The following ASAP3 variants were observed in gnomAD, a reference collection of about 807,000 sequenced individuals.
ASAP3 encodes arf-GAP with SH3 domain, ANK repeat and PH domain-containing protein 3.
A neutral mutation model predicts 118.2 loss-of-function variants in ASAP3; 85 were observed. That is an observed-to-expected ratio of 0.72 (90% CI 0.60 to 0.86). The LOEUF (loss-of-function observed/expected upper bound fraction) is 0.86, where lower values mean the gene tolerates loss of function less well. ASAP3 is among the 40% of genes least tolerant of loss of function. ASAP3 has a pLI of 0.00. For synonymous variants in ASAP3, 432 were observed against 477.4 expected (o/e 0.90, Z 1.24); for missense variants, 1,026 against 1,175.0 (o/e 0.87, Z 1.85).
At chr1:23,454,802 C>T (rs1292490782) in intron 3 of ASAP3, among the ~76,000 whole-genome samples, 2 of 152,246 alleles carry the variant, frequency 1.3e-5, no homozygotes, top group African/African-American at 2.4e-5. Context: ...GCTTAATCCT[C>T]ATTACCGCTC....
chr1:23,442,573 T>C lies in ASAP3; in HGVS notation c.513A>G (p.Thr171=). The change falls in exon 6 of 25, where the codon ACA becomes ACG. Residue 171 remains threonine, a synonymous_variant. Transcript: ENST00000336689. ...GGGCCACCTCCCCAGGGATCCCTCCTGTCACCCTGGCCCGATCGCGCTCCT... is the reference window on the plus strand; with the variant it reads ...GGGCCACCTCCCCAGGGATCCCTCCCGTCACCCTGGCCCGATCGCGCTCCT... The part of the protein sequence containing the change: ...LEKERDRARV[T]GGIPGEVAQD... 1 of 1,614,094 alleles carries C rather than the reference T, an allele frequency of 6.2e-7. No homozygotes were observed. Among genetic ancestry groups the C allele is most frequent in the Non-Finnish European group, 8.5e-7 (1 of 1,180,008 alleles).
At chr1:23,477,253 G>C (rs1453967331) in intron 1 of ASAP3, among the ~76,000 whole-genome samples, 1 of 151,262 alleles carries the variant, frequency 6.6e-6, no homozygotes, top group Non-Finnish European at 1.5e-5. Context: ...CTGACCTCCA[G>C]TGATCCATCT....
At chr1:23,445,309 G>A (rs1173260546) in intron 5 of ASAP3, among the ~76,000 whole-genome samples, 4 of 152,176 alleles carry the variant, frequency 2.6e-5, no homozygotes, top group African/African-American at 9.7e-5. Flanking sequence ...GGGCATCATG[G>A]TGAAACCCTG....
intron 1 of ASAP3, among the ~76,000 whole-genome samples, chr1:23,475,968 T>TA (rs796310361): frequency 0.01 from 1,426 of 142,256 alleles, 23 homozygotes; most frequent in African/African-American, 0.034. Context: ...AACAAAAAAT[T>TA]AAAAAAAAAA....
chr1:23,475,563 G>A (rs940670025), intron 1 of ASAP3, among the ~76,000 whole-genome samples: 3 of 152,184 alleles, frequency 2.0e-5, no homozygotes, highest in Non-Finnish European at 2.9e-5. Flanking sequence ...CCACGGTCTC[G>A]ATGCTAACAG....
chr1:23,442,783 G>A, intron 5 of ASAP3, 171 bp from the exon 6 acceptor site: 1 of 1,026,588 alleles, frequency 9.7e-7, no homozygotes, highest in Non-Finnish European at 1.4e-6. Context: ...ACAGAGTGGT[G>A]GGGGAGAAAG....
At position 23,439,161 on chromosome 1, in the gene ASAP3, C is replaced by T. The variant is rs2148613625; in HGVS notation, c.1014G>A (p.Thr338=). 6 of 1,613,948 alleles carry T rather than the reference C, an allele frequency of 3.7e-6. No homozygotes were observed. Among genetic ancestry groups the T allele is most frequent in the Non-Finnish European group, 5.1e-6 (6 of 1,179,886 alleles). ...KYGCLTISHS[T]INRPPVKLTL... is the part of the protein sequence containing the mutation. The stretch of plus-strand genomic sequence containing the variant: ...GACTCCCACCACCTCTAGGCCTCAC[C>T]GTGCTGTGTGAGATGGTCAGGCAGC... The change falls in exon 11 of 25, where the codon ACG becomes ACA. Residue 338 remains threonine, a splice_region_variant and synonymous_variant. Transcript: ENST00000336689.
In ASAP3 at chr1:23,441,127, C is replaced by T; in HGVS notation, c.919G>A (p.Gly307Ser). 6.2e-7 allele frequency: 1 copy of T among 1,614,148 alleles called. No homozygotes were observed. The highest frequency in any genetic ancestry group is 8.5e-7 in the Non-Finnish European group (1 of 1,180,018). Reference protein sequence around the residue: ...GNKQFGTEKVGFLYKKSDGIR... With the variant: ...GNKQFGTEKVSFLYKKSDGIR... ...CCGTCACTTTTCTTGTATAGAAAGC[C>T]CACTTTCTCCGTCCCAAACTGCTTG... Residue 307 changes from glycine (G) to serine (S), a missense_variant, in exon 10 of 25, where the codon GGC (glycine) becomes AGC (serine). Physicochemically the swap from Gly to Ser is moderately conservative, Grantham distance 56. Coordinates refer to ENST00000336689, the MANE Select transcript of ASAP3 (RefSeq NM_017707.4).
chr1:23,439,226 G>C lies in ASAP3; in HGVS notation c.949C>G (p.Arg317Gly), dbSNP rs760996705. The C allele has an allele frequency of 6.2e-7, 1 of 1,613,888 alleles. No homozygotes were observed. Among genetic ancestry groups the C allele is most frequent in the Non-Finnish European group, 8.5e-7 (1 of 1,179,972 alleles). The change falls in exon 11 of 25, where the codon CGA becomes GGA. Residue 317 changes from arginine to glycine, a missense_variant. Transcript: ENST00000336689. The stretch of plus-strand genomic sequence containing the variant: ...CACTTCCTTTTCTGCCAGACTCTTC[G>C]AATTCTAAAGCCCAGAGGGATAGAA... ...GFLYKKSDGI[R>G]RVWQKRKCGV...
intron 1 of ASAP3, among the ~76,000 whole-genome samples, chr1:23,458,817 C>G (rs1479911982): frequency 6.6e-6 from 1 of 151,910 alleles, no homozygotes; most frequent in Non-Finnish European, 1.5e-5. Context: ...ACCTGGAAAG[C>G]TAAAAGGTGA....
Position 23,437,613 on chromosome 1 carries a change from G to T in ASAP3, c.1103-141C>A. On this transcript the variant is annotated intron_variant, in intron 12 of 24. Coordinates refer to ENST00000336689, the MANE Select transcript of ASAP3 (RefSeq NM_017707.4). This position sits in a 1 kb window ranked among gnomAD's most constrained non-coding sequence, Gnocchi z 6.1. ...GACTCTCAAGCTAGGAGTGGGAAGG[G>T]AGTGGAATGACAGTGGCCAGCACCA... 9.5e-7 allele frequency: 1 copy of T among 1,051,990 alleles called. No homozygotes were observed. Among genetic ancestry groups the T allele is most frequent in the Non-Finnish European group, 1.4e-6 (1 of 729,776 alleles). The allele number at this position is 1,051,990 out of a possible 1,614,324, so 65.2% of individuals were successfully genotyped here. A position where few individuals can be genotyped will look rare whatever the true frequency, so the allele number is the denominator to read the frequency against.
At chr1:23,431,665 G>C (rs770032513) in intron 23 of ASAP3, 31 bp downstream of exon 23, 1 of 1,509,390 alleles carries the variant, frequency 6.6e-7, no homozygotes, top group Non-Finnish European at 8.8e-7. Context: ...CAGGGGATTT[G>C]CCCTGGTTGC....
At chr1:23,462,863 C>CT (rs1318771913) in intron 1 of ASAP3, among the ~76,000 whole-genome samples, 2 of 152,124 alleles carry the variant, frequency 1.3e-5, no homozygotes, top group Non-Finnish European at 2.9e-5. Flanking sequence ...GTGATGAGGG[C>CT]TATGATGGAA....
chr1:23,436,704 A>G lies in ASAP3; in HGVS notation c.1477-50T>C. ...GGGGCGGAGTAAGACCGGGCGGTTA[A>G]GCCTGCATAGGGTGGAGCTCCAAGC... On this transcript the variant is annotated intron_variant, in intron 15 of 24. Transcript: ENST00000336689. The surrounding 1 kb of genome is among the most constrained non-coding windows in gnomAD (Gnocchi z 4.2). 1 of 1,607,844 alleles carries G rather than the reference A, an allele frequency of 6.2e-7. No individual in the cohort carries two copies. Among genetic ancestry groups the G allele is most frequent in the South Asian group, 1.1e-5 (1 of 90,910 alleles).
chr1:23,431,564 G>A (rs181246608), intron 23 of ASAP3, 132 bp downstream of exon 23: 2 of 881,288 alleles, frequency 2.3e-6, no homozygotes, highest in East Asian at 2.8e-5. Context: ...CAGCATTTCT[G>A]CATAAGTGAT....
At position 23,434,568 on chromosome 1, in the gene ASAP3, A is replaced by G. The variant is rs2148605056; in HGVS notation, c.1800T>C (p.Ala600=). The change falls in exon 18 of 25, where the codon GCT becomes GCC. Residue 600 remains alanine (A), a synonymous_variant. Coordinates refer to ENST00000336689, the MANE Select transcript of ASAP3 (RefSeq NM_017707.4). ...TGATGAAATCCACCAGAGGCAGGGA[A>G]GCCTGGTTGGCGACTTTGACAGCCA... ...LHLAVKVANQ[A]SLPLVDFIIQ... 6.2e-7 allele frequency: 1 copy of G among 1,614,174 alleles called. No homozygotes were observed. Among genetic ancestry groups the G allele is most frequent in the Non-Finnish European group, 8.5e-7 (1 of 1,180,032 alleles).
chr1:23,462,742 G>A (rs776638515), intron 1 of ASAP3, among the ~76,000 whole-genome samples: 2 of 152,186 alleles, frequency 1.3e-5, no homozygotes, highest in Non-Finnish European at 2.9e-5. Context: ...CAGGAGGGCA[G>A]TGTGAGACTC....
At chr1:23,435,688 T>C in intron 17 of ASAP3, 163 bp downstream of exon 17, 1 of 816,712 alleles carries the variant, frequency 1.2e-6, no homozygotes, top group Admixed American at 1.9e-5. Context: ...CCCACCCAGG[T>C]CTGCCTGACT....
intron 3 of ASAP3, among the ~76,000 whole-genome samples, chr1:23,454,273 G>A (rs555899495): frequency 2.7e-5 from 4 of 146,746 alleles, no homozygotes; most frequent in African/African-American, 5.1e-5. Context: ...TGCCACCTCC[G>A]CCTCCCGGGT....
Sources: gnomAD v4.1 joint callset for allele counts (sites outside exome capture counted in the v4.1 genomes callset) on GRCh38, gnomAD v4.1.1 for gene constraint, Gnocchi (gnomAD v3.1) non-coding constraint, MANE v1.5 for transcripts, NCBI Gene and HGNC (gene_info 2026-07-23, HGNC 2026-07-21) for gene names.